The following SUSD6 variants were observed in gnomAD, a reference collection of about 807,000 sequenced individuals.
SUSD6 encodes sushi domain containing 6.
A neutral mutation model predicts 28.4 loss-of-function variants in SUSD6; 16 were observed. That is an observed-to-expected ratio of 0.56 (90% CI 0.38 to 0.86). SUSD6 has a LOEUF of 0.86. Among genes scored for constraint, SUSD6 ranks in the 40% least tolerant of loss-of-function variants. The pLI, the probability that SUSD6 is intolerant of heterozygous loss-of-function variation, is 0.00. For synonymous variants in SUSD6, 147 were observed against 159.6 expected (o/e 0.92, Z 0.59); for missense variants, 341 against 384.2 (o/e 0.89, Z 0.94).
intron 1 of SUSD6, among the ~76,000 whole-genome samples, chr14:69,639,962 T>G (rs1477600544): frequency 1.4e-5 from 2 of 146,604 alleles, no homozygotes; most frequent in African/African-American, 5.1e-5. Flanking sequence ...CACTGTTTTT[T>G]TTTTTTTTTT....
chr14:69,649,405 C>A (rs1386286954), intron 1 of SUSD6, among the ~76,000 whole-genome samples: 1 of 152,176 alleles, frequency 6.6e-6, no homozygotes, highest in East Asian at 1.9e-4. Flanking sequence ...GATGTGATGA[C>A]ACATGAGATA....
Position 69,708,995 on chromosome 14 carries a change from CTG to C in SUSD6, c.778_779del (p.Trp260GlyfsTer21), listed in dbSNP as rs1886425046. 6.2e-7 allele frequency: 1 copy of C among 1,614,060 alleles called. No individual in the cohort carries two copies. ...TGGTGCATCAGGCAACCACCTCTTC[CTG>C]GGTGGCCGGCTCAGGGAACCGCCAA... ...VMVHQATTSS[W>X]VAGSGNRQLA... On this transcript the variant is annotated frameshift_variant, in exon 5 of 6. Transcript: ENST00000342745. LOFTEE classifies it high-confidence loss of function.
chr14:69,703,345 C>T (rs1260503638), intron 2 of SUSD6, 50 bp from the exon 3 acceptor site: 12 of 1,442,660 alleles, frequency 8.3e-6, no homozygotes, highest in Non-Finnish European at 1.1e-5. Flanking sequence ...AGAGCAGACT[C>T]CTACTGGATA....
At chr14:69,613,956 G>C (rs1482040442) in intron 1 of SUSD6, among the ~76,000 whole-genome samples, 2 of 152,252 alleles carry the variant, frequency 1.3e-5, no homozygotes, top group South Asian at 4.1e-4. Context: ...AGAAGAGAAA[G>C]AAGGGTAGAA....
At chr14:69,693,601 G>A (rs1449277140) in intron 2 of SUSD6, among the ~76,000 whole-genome samples, 2 of 152,154 alleles carry the variant, frequency 1.3e-5, no homozygotes, top group Admixed American at 1.3e-4. Flanking sequence ...AAAAATCAGA[G>A]ATAAGGGTTT....
chr14:69,652,461 T>A (rs907800449), intron 1 of SUSD6, among the ~76,000 whole-genome samples: 7 of 151,514 alleles, frequency 4.6e-5, no homozygotes, highest in Non-Finnish European at 8.8e-5. Flanking sequence ...TCGGAAAAAA[T>A]AAATAAATAA....
chr14:69,683,133 G>C (rs184385395), intron 2 of SUSD6, among the ~76,000 whole-genome samples: 1 of 152,202 alleles, frequency 6.6e-6, no homozygotes, highest in Admixed American at 6.5e-5. Context: ...GATGTGAGCT[G>C]AAATGCAGGC....
At position 69,667,161 on chromosome 14, in the gene SUSD6, G is replaced by T. The variant is rs75143449; in HGVS notation, c.121+8448G>T. On this transcript the variant is annotated intron_variant, in intron 2 of 5. Coordinates refer to ENST00000342745, the MANE Select transcript of SUSD6 (RefSeq NM_014734.4). ...TGCACACTAGACTATGACTGAGTGGGTATGAGGATCAGCCTGTCAGTGTTT... is the reference window on the plus strand; with the variant it reads ...TGCACACTAGACTATGACTGAGTGGTTATGAGGATCAGCCTGTCAGTGTTT... Among the ~76,000 whole-genome samples, 1,160 of 152,256 alleles carry T rather than the reference G, an allele frequency of 7.6e-3. 9 individuals carry two copies. The highest frequency in any genetic ancestry group is 0.023 in the South Asian group (112 of 4,824).
At chr14:69,670,103 GTTAACTCC>G (rs997667444) in intron 2 of SUSD6, among the ~76,000 whole-genome samples, 21 of 152,338 alleles carry the variant, frequency 1.4e-4, no homozygotes, top group African/African-American at 4.6e-4. Context: ...TTTCATGAGT[GTTAACTCC>G]TTAAGCAAGT....
Position 69,617,305 on chromosome 14 carries a change from T to G in SUSD6, c.-81+5477T>G, listed in dbSNP as rs529200213. On this transcript the variant is annotated intron_variant, in intron 1 of 5. Coordinates refer to ENST00000342745, the MANE Select transcript of SUSD6 (RefSeq NM_014734.4). ...GTTTTCATTTCTCAAGGAGATACCT[T>G]TAAAGCTGCATCCATCCATATCTCT... 5 of 152,342 alleles carry G rather than the reference T, an allele frequency of 3.3e-5. No homozygotes were observed. In the East Asian group the frequency reaches 9.6e-4, roughly 29 times the overall value. The allele number at this position is 152,342 out of a possible 1,614,324, so 9.4% of individuals were successfully genotyped here. A position where few individuals can be genotyped will look rare whatever the true frequency, so the allele number is the denominator to read the frequency against.
intron 1 of SUSD6, among the ~76,000 whole-genome samples, chr14:69,634,905 A>G (rs1885242158): frequency 1.3e-5 from 2 of 152,348 alleles, no homozygotes; most frequent in East Asian, 1.9e-4. Context: ...AGTAATAAAT[A>G]TAGAAGCCAG....
intron 2 of SUSD6, among the ~76,000 whole-genome samples, chr14:69,689,022 C>T (rs1255800871): frequency 6.6e-6 from 1 of 152,150 alleles, no homozygotes; most frequent in Non-Finnish European, 1.5e-5. Context: ...CACATACCAC[C>T]TCTTCTTGAT....
intron 2 of SUSD6, among the ~76,000 whole-genome samples, chr14:69,689,748 C>T (rs975114152): frequency 1.3e-5 from 2 of 152,208 alleles, no homozygotes; most frequent in Non-Finnish European, 2.9e-5. Flanking sequence ...TTACTGAAGC[C>T]TCCACCTCCT....
intron 1 of SUSD6, among the ~76,000 whole-genome samples, chr14:69,625,737 G>A (rs1885105032): frequency 6.6e-6 from 1 of 152,046 alleles, no homozygotes; most frequent in African/African-American, 2.4e-5. Context: ...TCCGCCTCCT[G>A]GTCTTGTATG....
chr14:69,704,789 TA>T (rs1408212751), intron 4 of SUSD6, 47 bp downstream of exon 4: 1 of 1,596,350 alleles, frequency 6.3e-7, no homozygotes, highest in South Asian at 1.1e-5. Context: ...GTGCAAGCAT[TA>T]CTGTGGGGGC....
Position 69,703,402 on chromosome 14 carries a change from C to T in SUSD6, c.129C>T (p.Pro43=), listed in dbSNP as rs370029210. 2 of 1,613,420 alleles carry T rather than the reference C, an allele frequency of 1.2e-6. No individual in the cohort carries two copies. The highest frequency in any genetic ancestry group is 8.5e-7 in the Non-Finnish European group (1 of 1,179,808). Residue 43 remains proline, a synonymous_variant, in exon 3 of 6, where the codon CCC becomes CCT. Coordinates refer to ENST00000342745, the MANE Select transcript of SUSD6 (RefSeq NM_014734.4). ...CTCTCCCTGTCTTTGCAGTGTGCCC[C>T]CTACCACCGGAGCCAGAGAATGGTG... ...LLGDGLASVC[P]LPPEPENGGY... is the part of the protein sequence containing the mutation.
At chr14:69,657,805 G>T (rs867363415) in intron 1 of SUSD6, among the ~76,000 whole-genome samples, 4 of 152,116 alleles carry the variant, frequency 2.6e-5, no homozygotes, top group Admixed American at 6.5e-5. Context: ...CTCTCTCTCT[G>T]TCTCTCTACT....
chr14:69,689,095 G>A (rs1448953376), intron 2 of SUSD6, among the ~76,000 whole-genome samples: 3 of 151,954 alleles, frequency 2.0e-5, no homozygotes, highest in Non-Finnish European at 4.4e-5. Context: ...CTTTATCCCC[G>A]TCATAATCCT....
chr14:69,708,021 C>T (rs1332610065), intron 4 of SUSD6, among the ~76,000 whole-genome samples: 1 of 152,204 alleles, frequency 6.6e-6, no homozygotes, highest in South Asian at 2.1e-4. Flanking sequence ...TAGCTGTACA[C>T]AGATTTTTCT....
Sources: allele counts gnomAD v4.1 joint callset (sites outside exome capture counted in the v4.1 genomes callset), GRCh38; gene constraint gnomAD v4.1.1; transcripts MANE v1.5; gene names NCBI Gene and HGNC (gene_info 2026-07-23, HGNC 2026-07-21).